KSR2: variants seen among roughly 807,000 people sequenced by gnomAD.
The protein encoded by KSR2 is kinase suppressor of ras 2.
In KSR2, 25 loss-of-function variants were observed where a neutral mutation model predicts 107.8. That is an observed-to-expected ratio of 0.23 (90% confidence interval 0.17 to 0.32). The LOEUF is 0.32. Ranked by LOEUF, KSR2 falls within the 10% of genes least tolerant of loss-of-function variation. The pLI, the probability that KSR2 is intolerant of heterozygous loss-of-function variation, is 1.00. For synonymous variants in KSR2, 480 were observed against 507.0 expected (o/e 0.95, Z 0.71); for missense variants, 887 against 1,268.9 (o/e 0.70, Z 4.57).
chr12:117,790,652 A>G (rs539763646), intron 3 of KSR2, among the ~76,000 whole-genome samples: 1 of 152,304 alleles, frequency 6.6e-6, no homozygotes, highest in African/African-American at 2.4e-5. Context: ...TAATCTTTGT[A>G]GCTATCTTAT....
At chr12:117,873,282 T>C (rs1206909345) in intron 1 of KSR2, among the ~76,000 whole-genome samples, 2 of 147,580 alleles carry the variant, frequency 1.4e-5, no homozygotes, top group African/African-American at 5.0e-5. Flanking sequence ...GAGGCGGAGG[T>C]TGCAGTGAGC....
chr12:117,455,354 A>C lies in KSR2; in HGVS notation c.*11845T>G, dbSNP rs1407879241. 2 of 152,252 alleles carry C rather than the reference A, an allele frequency of 1.3e-5. No homozygotes were observed. The highest frequency in any genetic ancestry group is 4.8e-5 in the African/African-American group (2 of 41,464). The allele number at this position is 152,252 out of a possible 1,614,324, so 9.4% of individuals were successfully genotyped here. The stretch of plus-strand genomic sequence containing the variant: ...GGCAGGATTTTAGCCACTTGCAGTT[A>C]CCCTCAATAAATCATGATCTTGCCT... On this transcript the variant is annotated 3_prime_UTR_variant, in exon 20 of 20. Transcript: ENST00000339824.
At chr12:117,597,577 T>G (rs1217183466) in intron 5 of KSR2, among the ~76,000 whole-genome samples, 2 of 152,148 alleles carry the variant, frequency 1.3e-5, no homozygotes, top group Non-Finnish European at 2.9e-5. Context: ...CCGGAGAGCC[T>G]CTACAAGGAA....
intron 4 of KSR2, among the ~76,000 whole-genome samples, chr12:117,753,997 TGTG>T (rs1888701652): frequency 1.5e-5 from 2 of 134,550 alleles, no homozygotes; most frequent in Non-Finnish European, 1.6e-5. Context: ...TGTGTGTGTG[TGTG>T]TTTTAGGAAT....
chr12:117,722,879 G>A (rs1887269743), intron 4 of KSR2, among the ~76,000 whole-genome samples: 1 of 152,156 alleles, frequency 6.6e-6, no homozygotes, highest in Non-Finnish European at 1.5e-5. Flanking sequence ...TGAGTCAGAG[G>A]AGGCAATGCA....
chr12:117,553,607 A>G (rs1449625582), intron 9 of KSR2, among the ~76,000 whole-genome samples: 1 of 152,058 alleles, frequency 6.6e-6, no homozygotes. Context: ...TGCTTTTTCC[A>G]CTGATATCGT....
At chr12:117,922,753 G>A (rs1177130626) in intron 1 of KSR2, among the ~76,000 whole-genome samples, 1 of 152,192 alleles carries the variant, frequency 6.6e-6, no homozygotes, top group East Asian at 1.9e-4. Context: ...CATACAAGGT[G>A]CACAACAGCA....
intron 3 of KSR2, among the ~76,000 whole-genome samples, chr12:117,792,266 C>T (rs1442670237): frequency 1.3e-5 from 2 of 152,084 alleles, no homozygotes; most frequent in African/African-American, 4.8e-5. Flanking sequence ...AGGAGGATTG[C>T]TTAAGCCCGG....
intron 1 of KSR2, among the ~76,000 whole-genome samples, chr12:117,888,268 C>A (rs1289105113): frequency 6.6e-6 from 1 of 152,164 alleles, no homozygotes; most frequent in African/African-American, 2.4e-5. Flanking sequence ...GACACAAACA[C>A]AAATTTGTAT....
chr12:117,646,302 T>C (rs187083740), intron 5 of KSR2, among the ~76,000 whole-genome samples: 1 of 152,328 alleles, frequency 6.6e-6, no homozygotes, highest in East Asian at 1.9e-4. Flanking sequence ...TTTGGCCCTC[T>C]GCAGAAGCAG....
At chr12:117,740,652 A>AT in intron 4 of KSR2, among the ~76,000 whole-genome samples, 1 of 127,796 alleles carries the variant, frequency 7.8e-6, no homozygotes, top group East Asian at 2.1e-4. Context: ...TATATTATAT[A>AT]TGTAATATAT....
At chr12:117,603,328 T>C (rs937313857) in intron 5 of KSR2, among the ~76,000 whole-genome samples, 1 of 152,240 alleles carries the variant, frequency 6.6e-6, no homozygotes, top group African/African-American at 2.4e-5. Context: ...ATGTTTTATA[T>C]AGCTAATTGC....
chr12:117,656,965 T>G (rs117518987), intron 5 of KSR2, among the ~76,000 whole-genome samples: 13,481 of 109,074 alleles, frequency 0.12, 1,162 homozygotes, highest in African/African-American at 0.16. Context: ...TATAATAGGA[T>G]ATATATATAT....
chr12:117,880,724 T>C (rs1312357071), intron 1 of KSR2, among the ~76,000 whole-genome samples: 1 of 149,870 alleles, frequency 6.7e-6, no homozygotes, highest in African/African-American at 2.4e-5. Context: ...TTTTTTTTTT[T>C]TTTTTTTTTT....
chr12:117,483,085 C>T (rs1006438988), intron 16 of KSR2, among the ~76,000 whole-genome samples: 1 of 152,166 alleles, frequency 6.6e-6, no homozygotes, highest in Non-Finnish European at 1.5e-5. Flanking sequence ...TTCTTGGGTT[C>T]CAACTGGAGG....
At chr12:117,535,844 C>A (rs936780773) in intron 10 of KSR2, among the ~76,000 whole-genome samples, 1 of 152,130 alleles carries the variant, frequency 6.6e-6, no homozygotes, top group Non-Finnish European at 1.5e-5. Flanking sequence ...TGATGAGAAA[C>A]AGACCTAAAC....
intron 17 of KSR2, among the ~76,000 whole-genome samples, 181 bp downstream of exon 17, chr12:117,476,254 ACATAATCCATTAGAAACCAGACACACACG>A (rs1270685585): frequency 9.2e-5 from 14 of 152,376 alleles, no homozygotes; most frequent in Non-Finnish European, 1.9e-4. Context: ...TGTTAAGGCC[ACATAATCCATTAGAAACCAGACACACACG>A]TTTGTTAGGG....
chr12:117,952,676 A>AAACAAC (rs548708017), intron 1 of KSR2, among the ~76,000 whole-genome samples: 3 of 151,352 alleles, frequency 2.0e-5, no homozygotes, highest in East Asian at 1.9e-4. Context: ...TCTGTCTCAA[A>AAACAAC]AACAACAACA....
chr12:117,535,638 GTGTGTGT>G (rs1206674455), intron 10 of KSR2, among the ~76,000 whole-genome samples: 1 of 146,772 alleles, frequency 6.8e-6, no homozygotes, highest in Non-Finnish European at 1.5e-5. Flanking sequence ...GTGTGTGTGT[GTGTGTGT>G]GTGTTTCAAG....
Sources: allele counts gnomAD v4.1 joint callset (sites outside exome capture counted in the v4.1 genomes callset), GRCh38; gene constraint gnomAD v4.1.1; transcripts MANE v1.5; gene names NCBI Gene and HGNC (gene_info 2026-07-23, HGNC 2026-07-21).